Variants in HABP2 observed in about 807,000 individuals in gnomAD.
HABP2 encodes the protein factor VII-activating protease.
Under a neutral mutation model 66.5 loss-of-function variants are expected in HABP2, and 65 were observed. The ratio of observed to expected loss-of-function variants is 0.98; its 90% CI spans 0.80 to 1.20. The LOEUF (loss-of-function observed/expected upper bound fraction) is 1.20. Among genes scored for constraint, HABP2 ranks in the 50% most tolerant of loss-of-function variants. The pLI is 0.00. For synonymous variants in HABP2, 263 were observed against 253.9 expected, an observed-to-expected ratio of 1.04 and a Z score of -0.34; for missense variants, 786 against 691.0, an observed-to-expected ratio of 1.14 and a Z score of -1.54.
intron 12 of HABP2, among the ~76,000 whole-genome samples, chr10:113,587,078 G>A (rs1845652481): frequency 6.6e-6 from 1 of 152,244 alleles, no homozygotes; most frequent in Non-Finnish European, 1.5e-5. Flanking sequence ...ACTTTGGGAG[G>A]CTGAGGCGGG....
rs149228430 is a variant in HABP2, at chr10:113,585,594, T to C, written c.1373-199T>C. Among the ~76,000 whole-genome samples, 494 of 152,242 alleles carry C rather than the reference T, an allele frequency of 3.2e-3. 2 individuals are homozygous for C. Among genetic ancestry groups the C allele is most frequent in the African/African-American group, 0.01 (432 of 41,538 alleles). On this transcript the variant is annotated intron_variant, in intron 11 of 12. Coordinates refer to ENST00000351270, the MANE Select transcript of HABP2 (RefSeq NM_004132.5). ...GGGAATATACTATCTGGTCCATGTA[T>C]CATGACCAGCACAGGATTGCAGGTC...
At chr10:113,583,194 A>C (rs746747996) in intron 9 of HABP2, 22 bp from the exon 10 acceptor site, 1 of 1,612,252 alleles carries the variant, frequency 6.2e-7, no homozygotes. Context: ...TGCCTTCCTG[A>C]CCATCTCATT....
chr10:113,578,707 T>C lies in HABP2; in HGVS notation c.649T>C (p.Tyr217His), dbSNP rs769673422. The C allele has an allele frequency of 1.9e-6, 3 of 1,610,128 alleles. No homozygotes were observed. The highest frequency in any genetic ancestry group is 1.7e-4 in the Middle Eastern group (1 of 6,056). The change falls in exon 7 of 13, where the codon TAC becomes CAC. Residue 217 changes from tyrosine (Y) to histidine (H), a missense_variant. Physicochemically the swap from Tyr to His is moderately conservative, Grantham distance 83. Coordinates refer to ENST00000351270, the MANE Select transcript of HABP2 (RefSeq NM_004132.5). ...GACAGTCAACCAGCATGCGTGCCTT[T>C]ACTGGAACTCCCACCTCCTCTTGCA... ...NRTVNQHACL[Y>H]WNSHLLLQEN...
intron 7 of HABP2, among the ~76,000 whole-genome samples, chr10:113,580,301 A>T (rs1485223469): frequency 6.6e-6 from 1 of 152,208 alleles, no homozygotes; most frequent in Non-Finnish European, 1.5e-5. Flanking sequence ...AAAGGTCTTC[A>T]TCAGGGATCT....
At chr10:113,570,237 A>C (rs1845280452) in intron 2 of HABP2, 1 of 152,254 alleles carries the variant, frequency 6.6e-6, no homozygotes, top group Non-Finnish European at 1.5e-5. Context: ...CCTATGCTAT[A>C]GGGTTGCTTT....
chr10:113,567,358 G>T (rs1592687807), intron 1 of HABP2, 131 bp from the exon 2 acceptor site: 2 of 722,398 alleles, frequency 2.8e-6, no homozygotes, highest in African/African-American at 3.5e-5. Flanking sequence ...TCAACCTCTA[G>T]CCCAGCCACA....
intron 1 of HABP2, among the ~76,000 whole-genome samples, chr10:113,560,896 G>C (rs536560037): frequency 6.6e-6 from 1 of 152,328 alleles, no homozygotes; most frequent in East Asian, 1.9e-4. Context: ...TGTTCAACGA[G>C]TACAGTCCAT....
chr10:113,575,869 A>T (rs759308667), intron 3 of HABP2, 28 bp from the exon 4 acceptor site: 12 of 1,337,126 alleles, frequency 9.0e-6, no homozygotes, highest in Non-Finnish European at 1.3e-5. Context: ...TTTCCTTACC[A>T]ACATTGCCTT....
chr10:113,563,241 C>A lies in HABP2; in HGVS notation c.70-4248C>A, dbSNP rs915255976. ...GTCTCAGGAGTAAGGGTTCTTCTATCATTTTCTTGTCTCTGGGAGAAGAGA... is the reference window on the plus strand; with the variant it reads ...GTCTCAGGAGTAAGGGTTCTTCTATAATTTTCTTGTCTCTGGGAGAAGAGA... On this transcript the variant is annotated intron_variant, in intron 1 of 12. Transcript: ENST00000351270. Among the ~76,000 whole-genome samples, 14 of 152,274 alleles carry A rather than the reference C, an allele frequency of 9.2e-5. No individual in the cohort carries two copies. The South Asian group carries it at 2.9e-3, about 32-fold the overall frequency.
intron 2 of HABP2, among the ~76,000 whole-genome samples, chr10:113,571,201 A>T (rs1472153134): frequency 1.3e-5 from 2 of 152,224 alleles, no homozygotes; most frequent in Non-Finnish European, 2.9e-5. Flanking sequence ...TCTGGGCTGC[A>T]TCGGGCTCAG....
In HABP2 at chr10:113,589,077, C is replaced by G; in HGVS notation, c.*708C>G. ...CTCCAGCCTCCACTGCTTCTGCCCC[C>G]CGCTGCTGAAATCAAACATACCCCA... On this transcript the variant is annotated 3_prime_UTR_variant, in exon 13 of 13. Transcript: ENST00000351270. 4 of 1,613,602 alleles carry G rather than the reference C, an allele frequency of 2.5e-6. No individual in the cohort carries two copies. The highest frequency in any genetic ancestry group is 2.5e-6 in the Non-Finnish European group (3 of 1,179,726).
At chr10:113,562,949 G>A (rs1845126770) in intron 1 of HABP2, among the ~76,000 whole-genome samples, 1 of 152,190 alleles carries the variant, frequency 6.6e-6, no homozygotes. Context: ...ACAGTCTCCT[G>A]TTCTGGCTCC....
intron 3 of HABP2, 98 bp downstream of exon 3, chr10:113,574,503 C>A: frequency 1.5e-6 from 1 of 669,144 alleles, no homozygotes; most frequent in South Asian, 1.8e-5. Context: ...GCCTCTCTGG[C>A]CAGTATTGTG....
Position 113,589,238 on chromosome 10 carries a change from T to G in HABP2, c.*869T>G, listed in dbSNP as rs3740529. ...TCTACCCTCCCCAAGAAAAAGGGCC[T>G]TCAAGGCAGGAATGAGAAAGCAAAG... On this transcript the variant is annotated 3_prime_UTR_variant, in exon 13 of 13. Transcript: ENST00000351270. 162 of 615,282 alleles carry G rather than the reference T, an allele frequency of 2.6e-4. 1 individual carries two copies. The East Asian group carries it at 4.0e-3, about 15-fold the overall frequency. 38.1% of individuals were successfully genotyped at this position (615,282 alleles called of 1,614,324 possible).
intron 12 of HABP2, among the ~76,000 whole-genome samples, chr10:113,586,480 G>A (rs866145741): frequency 2.1e-5 from 3 of 139,994 alleles, no homozygotes; most frequent in Middle Eastern, 3.6e-3. Flanking sequence ...GTGTGTGGGG[G>A]GGGGGGGGGT....
chr10:113,566,400 C>T (rs368748585), intron 1 of HABP2, among the ~76,000 whole-genome samples: 3 of 152,272 alleles, frequency 2.0e-5, no homozygotes, highest in East Asian at 3.8e-4. Context: ...AGAGAGCATA[C>T]TCCAGTTATT....
At chr10:113,588,154 T>C in intron 12 of HABP2, 51 bp from the exon 13 acceptor site, 1 of 1,480,200 alleles carries the variant, frequency 6.8e-7, no homozygotes, top group South Asian at 1.3e-5. Context: ...TGGGGGCATC[T>C]CCAGATGTCT....
intron 3 of HABP2, 35 bp downstream of exon 3, chr10:113,574,440 GAGA>G (rs757404778): frequency 9.8e-7 from 1 of 1,022,460 alleles, no homozygotes; most frequent in South Asian, 1.3e-5. Flanking sequence ...ACTCTCCTGG[GAGA>G]AGGTCAGAGC....
intron 1 of HABP2, among the ~76,000 whole-genome samples, chr10:113,562,401 C>T (rs2133748618): frequency 6.6e-6 from 1 of 151,316 alleles, no homozygotes; most frequent in Non-Finnish European, 1.5e-5. Context: ...CCAAGTAGGC[C>T]CTCTCTGTGG....
Sources: allele counts gnomAD v4.1 joint callset (sites outside exome capture counted in the v4.1 genomes callset), GRCh38; gene constraint gnomAD v4.1.1; transcripts MANE v1.5; gene names NCBI Gene and HGNC (gene_info 2026-07-23, HGNC 2026-07-21).